The following SRPK3 variants were observed in gnomAD, a reference collection of about 807,000 sequenced individuals.
SRPK3 encodes the protein SRSF protein kinase 3.
SRPK3 carries 26 observed loss-of-function variants against 45.3 expected under a neutral mutation model. The observed-to-expected ratio is 0.57, with a 90% confidence interval of 0.42 to 0.80. The LOEUF is 0.80. Among genes scored for constraint, SRPK3 ranks in the 30% least tolerant of loss-of-function variants. The probability of loss-of-function intolerance (pLI) is 0.00; values close to 1 mark genes in which losing one functional copy is unlikely to be tolerated. For synonymous variants in SRPK3, 254 were observed against 226.6 expected, an observed-to-expected ratio of 1.12 and a Z score of -1.09; for missense variants, 536 against 514.5, an observed-to-expected ratio of 1.04 and a Z score of -0.40.
chrX:153,781,400 G>C, intron 2 of SRPK3, 54 bp downstream of exon 2: 1 of 1,170,759 alleles, frequency 8.5e-7, no homozygotes, highest in African/African-American at 1.8e-5. Flanking sequence ...GGGACCCAGG[G>C]CAGTCCTGGG....
At position 153,781,078 on chromosome X, in the gene SRPK3, G is replaced by A. The variant is rs782744800; in HGVS notation, c.-9G>A. The A allele has an allele frequency of 8.9e-5, 95 of 1,062,145 alleles. No individual in the cohort carries two copies. Among genetic ancestry groups the A allele is most frequent in the Non-Finnish European group, 1.1e-4 (92 of 827,303 alleles). The allele number at this position is 1,062,145 out of a possible 1,213,427, so 87.5% of individuals were successfully genotyped here. On this transcript the variant is annotated 5_prime_UTR_variant, in exon 1 of 15. In the 5' UTR this introduces an upstream ATG that the reference lacks. Coordinates refer to ENST00000370101, the MANE Select transcript of SRPK3 (RefSeq NM_014370.4). ...CCGGGGCACCGGAGCTGCGGGCTGC[G>A]TGGCCGGGATGAGCGCCAGCACGGG... is the stretch of plus-strand genomic sequence containing the variant.
At chrX:153,782,605 G>A (rs1263622055) in intron 5 of SRPK3, among the ~76,000 whole-genome samples, 167 bp from the exon 6 acceptor site, 1 of 113,322 alleles carries the variant, frequency 8.8e-6, no homozygotes, top group African/African-American at 3.2e-5. Flanking sequence ...GAGACTGACA[G>A]GGACACTATC....
rs782466104 is a variant in SRPK3 at position 153,782,143 on chromosome X, A to AC, written c.414dup (p.Lys139GlnfsTer10). 5.8e-6 allele frequency: 7 copies of AC among 1,211,019 alleles called. No individual in the cohort carries two copies. The highest frequency in any genetic ancestry group is 7.8e-6 in the Non-Finnish European group (7 of 895,199). On this transcript the variant is annotated frameshift_variant, in exon 5 of 15. Coordinates refer to ENST00000370101, the MANE Select transcript of SRPK3 (RefSeq NM_014370.4). LOFTEE classifies it high-confidence loss of function. ...CAGGTCCGGGACAGCGACCCCAGTG[A>AC]CCCCAAAAGAGAGACCATTGTCCAG...
chrX:153,785,002 G>A lies in SRPK3; in HGVS notation c.1425G>A (p.Glu475=), dbSNP rs2092077501. Residue 475 remains glutamate, a splice_region_variant and synonymous_variant, in exon 13 of 15, where the codon GAG becomes GAA. Transcript: ENST00000370101. ...PHSGEDYSRD[E]DHIAHIVELL... is the part of the protein sequence containing the mutation. ...CTGGAGAAGACTACAGTCGTGATGA[G>A]GGTAAGGGGTGAGGGCTCTGGGCTC... 2 of 1,211,383 alleles carry A rather than the reference G, an allele frequency of 1.7e-6. No individual in the cohort carries two copies. Among genetic ancestry groups the A allele is most frequent in the East Asian group, 3.0e-5 (1 of 33,844 alleles).
chrX:153,784,100 G>A lies in SRPK3; in HGVS notation c.1034G>A (p.Ser345Asn). 8.3e-7 allele frequency: 1 copy of A among 1,210,797 alleles called. No individual in the cohort carries two copies. Among genetic ancestry groups the A allele is most frequent in the Non-Finnish European group, 1.1e-6 (1 of 895,490 alleles). The change falls in exon 10 of 15, where the codon AGC becomes AAC. Residue 345 changes from serine (S) to asparagine (N), a missense_variant. Coordinates refer to ENST00000370101, the MANE Select transcript of SRPK3 (RefSeq NM_014370.4). Reference sequence around the variant, plus strand: ...GCCCCAGGGGGCGGCCGTAGCCTCAGCGCGGGCTCACAGACCTCAGGCTTC... The same window carrying A: ...GCCCCAGGGGGCGGCCGTAGCCTCAACGCGGGCTCACAGACCTCAGGCTTC... Reference protein sequence around the residue: ...SPAPGGGRSLSAGSQTSGFSG... With the variant: ...SPAPGGGRSLNAGSQTSGFSG...
chrX:153,781,475 T>A, intron 2 of SRPK3, 30 bp from the exon 3 acceptor site: 5 of 1,195,839 alleles, frequency 4.2e-6, no homozygotes, highest in Non-Finnish European at 5.6e-6. Flanking sequence ...GAGAACCCCC[T>A]CCACCCCAAT....
At position 153,781,365 on chromosome X, in the gene SRPK3, G is replaced by A. The variant is rs782499469; in HGVS notation, c.190+19G>A. 3.7e-5 allele frequency: 44 copies of A among 1,179,447 alleles called. No individual in the cohort carries two copies. Among genetic ancestry groups the A allele is most frequent in the Non-Finnish European group, 4.9e-5 (43 of 878,308 alleles). On this transcript the variant is annotated intron_variant, in intron 2 of 14. Coordinates refer to ENST00000370101, the MANE Select transcript of SRPK3 (RefSeq NM_014370.4). ...TGCAAGGGTGAGACTTGGCCTTGGG[G>A]ACATGCGGCCTCACGGCCACTGCAG... is the stretch of plus-strand genomic sequence containing the variant.
In SRPK3 at chrX:153,783,200, C is replaced by A. The variant is rs372400669; in HGVS notation, c.749-26C>A. On this transcript the variant is annotated intron_variant, in intron 7 of 14. Coordinates refer to ENST00000370101, the MANE Select transcript of SRPK3 (RefSeq NM_014370.4). ...AGTCTCTGTTCCTCCCTGTCCCCCC[C>A]CACCGCTCCCCACCTGCACTCCCAG... 58 of 999,707 alleles carry A rather than the reference C, an allele frequency of 5.8e-5. No homozygotes were observed. The African/African-American group carries it at 6.7e-4, about 11-fold the overall frequency. The allele number at this position is 999,707 out of a possible 1,213,427, so 82.4% of individuals were successfully genotyped here. A position where few individuals can be genotyped will look rare whatever the true frequency, so the allele number is the denominator to read the frequency against.
chrX:153,782,721 G>T (rs1557067304), intron 5 of SRPK3, 51 bp from the exon 6 acceptor site: 1 of 1,121,351 alleles, frequency 8.9e-7, no homozygotes, highest in Non-Finnish European at 1.2e-6. Flanking sequence ...AGGGTGGGTG[G>T]GGCCTGTGCC....
chrX:153,781,222 G>A lies in SRPK3; in HGVS notation c.66G>A (p.Gln22=). The A allele has an allele frequency of 1.7e-6, 2 of 1,206,990 alleles. No homozygotes were observed. The highest frequency in any genetic ancestry group is 3.6e-5 in the South Asian group (2 of 56,335). ...GGSGGSSSSS[Q]ASCGPESSGS... is the part of the protein sequence containing the mutation. ...CCACTCACCCCACCCGCAGCTCACA[G>A]GCCTCCTGCGGGCCCGAGTCCTCGG... Residue 22 remains glutamine (Q), a synonymous_variant, in exon 2 of 15, where the codon CAG becomes CAA. Transcript: ENST00000370101.
chrX:153,782,904 A>T, intron 6 of SRPK3, 26 bp downstream of exon 6: 2 of 1,200,703 alleles, frequency 1.7e-6, no homozygotes, highest in Admixed American at 4.4e-5. Flanking sequence ...TGGGCTGCCC[A>T]GCCTGGCCTG....
chrX:153,782,621 T>C (rs1029947647), intron 5 of SRPK3, 151 bp from the exon 6 acceptor site: 8 of 474,453 alleles, frequency 1.7e-5, no homozygotes, highest in African/African-American at 1.5e-4. Flanking sequence ...CTATCGATGA[T>C]GACACCAGCA....
intron 11 of SRPK3, 28 bp downstream of exon 11, chrX:153,784,422 G>C (rs1222487295): frequency 8.4e-7 from 1 of 1,184,364 alleles, no homozygotes; most frequent in Non-Finnish European, 1.1e-6. Context: ...AGAGCAGAGT[G>C]GGGGGCCCTG....
rs1557066732 is a variant in SRPK3, at chrX:153,781,251, C to T, written c.95C>T (p.Ser32Phe). The T allele has an allele frequency of 1.7e-6, 2 of 1,209,227 alleles. No individual in the cohort carries two copies. The highest frequency in any genetic ancestry group is 3.0e-5 in the East Asian group (1 of 33,700). ...TCCTGCGGGCCCGAGTCCTCGGGCT[C>T]CGAACTAGCCCTGGCCACACCGGTG... ...QASCGPESSG[S>F]ELALATPVPQ... Residue 32 changes from serine to phenylalanine, a missense_variant, in exon 2 of 15, where the codon TCC becomes TTC. Coordinates refer to ENST00000370101, the MANE Select transcript of SRPK3 (RefSeq NM_014370.4).
intron 2 of SRPK3, 71 bp downstream of exon 2, chrX:153,781,417 T>G: frequency 8.5e-7 from 1 of 1,171,764 alleles, no homozygotes. Flanking sequence ...TGGGCCCACA[T>G]GGGCCAGATG....
chrX:153,785,358 T>A lies in SRPK3; in HGVS notation c.1542T>A (p.Asn514Lys), dbSNP rs782488156. ...NRRGELRHIH[N>K]LKHWGLYEVL... ...CAGGAGAGCTGCGGCACATCCACAA[T>A]CTCAAGCACTGGGGCCTGTACGAGG... Residue 514 changes from asparagine to lysine, a missense_variant, in exon 15 of 15, where the codon AAT becomes AAA. Physicochemically the swap from Asn to Lys is moderately conservative, Grantham distance 94 (BLOSUM62 0). Transcript: ENST00000370101. 1 of 1,206,051 alleles carries A rather than the reference T, an allele frequency of 8.3e-7. No homozygotes were observed. The highest frequency in any genetic ancestry group is 1.8e-5 in the South Asian group (1 of 56,801).
At position 153,783,121 on chromosome X, in the gene SRPK3, A is replaced by G. The variant is rs782268437; in HGVS notation, c.748+3A>G. ...GCCGCCCCCCTCCCGCTCCATAGGT[A>G]CCAAGGGCCCACATGGGGCTGGGTC... On this transcript the variant is annotated splice_donor_region_variant and intron_variant, in intron 7 of 14. Transcript: ENST00000370101. 1 of 1,175,327 alleles carries G rather than the reference A, an allele frequency of 8.5e-7. No homozygotes were observed. The highest frequency in any genetic ancestry group is 1.1e-6 in the Non-Finnish European group (1 of 878,844).
rs1388926246 is a variant in SRPK3, at chrX:153,785,698, G to A, written c.*178G>A. 11 of 785,575 alleles carry A rather than the reference G, an allele frequency of 1.4e-5. No homozygotes were observed. Among genetic ancestry groups the A allele is most frequent in the Non-Finnish European group, 2.0e-5 (11 of 542,709 alleles). 64.7% of individuals were successfully genotyped at this position (785,575 alleles called of 1,213,427 possible). The stretch of plus-strand genomic sequence containing the variant: ...CCGTGAGGGCTCTCGGAGAAAGTGT[G>A]TGTATTCCTTTCTTAATAAAGTGTG... On this transcript the variant is annotated 3_prime_UTR_variant, in exon 15 of 15. Coordinates refer to ENST00000370101, the MANE Select transcript of SRPK3 (RefSeq NM_014370.4).
chrX:153,783,197 C>CCCCCCCGCT, intron 7 of SRPK3, 29 bp from the exon 8 acceptor site: 1 of 975,386 alleles, frequency 1.0e-6, no homozygotes, highest in Non-Finnish European at 1.4e-6. Context: ...TCCCTGTCCC[C>CCCCCCCGCT]CCCCACCGCT....
Sources: allele counts gnomAD v4.1 joint callset (sites outside exome capture counted in the v4.1 genomes callset), GRCh38; gene constraint gnomAD v4.1.1; transcripts MANE v1.5; gene names NCBI Gene and HGNC (gene_info 2026-07-23, HGNC 2026-07-21).